Variants in ITGA8 observed in about 807,000 individuals in gnomAD.
ITGA8 encodes integrin alpha-8.
Under a neutral mutation model 142.3 loss-of-function variants are expected in ITGA8, and 91 were observed. The ratio of observed to expected loss-of-function variants is 0.64; its 90% confidence interval spans 0.54 to 0.76. The LOEUF (loss-of-function observed/expected upper bound fraction) is 0.76. ITGA8 is among the 30% of genes least tolerant of loss of function. The probability of loss-of-function intolerance (pLI) is 0.00; values close to 1 mark genes in which losing one functional copy is unlikely to be tolerated. For missense variants in ITGA8, 1,406 were observed against 1,327.7 expected (o/e 1.06, Z -0.92); for synonymous variants, 505 against 485.2 (o/e 1.04, Z -0.54).
intron 2 of ITGA8, among the ~76,000 whole-genome samples, chr10:15,697,978 G>A (rs1835088384): frequency 6.6e-6 from 1 of 152,152 alleles, no homozygotes; most frequent in Non-Finnish European, 1.5e-5. Flanking sequence ...GTTCTTCAGT[G>A]GCGATTTCTG....
intron 5 of ITGA8, 132 bp downstream of exon 5, chr10:15,678,590 C>T (rs1483468162): frequency 1.8e-6 from 1 of 554,366 alleles, no homozygotes; most frequent in East Asian, 2.9e-5. Context: ...TTTGCCCAAA[C>T]AGGCTAGGTA....
intron 25 of ITGA8, among the ~76,000 whole-genome samples, chr10:15,568,463 G>A (rs1233378838): frequency 1.3e-5 from 2 of 152,228 alleles, no homozygotes; most frequent in African/African-American, 4.8e-5. Context: ...AGGGTAGCTT[G>A]CTGAGATAAC....
chr10:15,650,172 A>G (rs1834060185), intron 11 of ITGA8, among the ~76,000 whole-genome samples: 1 of 152,166 alleles, frequency 6.6e-6, no homozygotes, highest in African/African-American at 2.4e-5. Context: ...TAAAGAAGCC[A>G]ATCTGAAAAG....
chr10:15,682,626 G>A (rs1005426457), intron 4 of ITGA8, among the ~76,000 whole-genome samples: 5 of 152,098 alleles, frequency 3.3e-5, no homozygotes, highest in African/African-American at 1.2e-4. Context: ...AGGCTGAGGC[G>A]GATGGATCGC....
chr10:15,607,560 A>G (rs967350166), intron 17 of ITGA8, 117 bp downstream of exon 17: 2 of 978,026 alleles, frequency 2.0e-6, no homozygotes, highest in Non-Finnish European at 3.1e-6. Flanking sequence ...CCTGCTATGA[A>G]AATGAAAACA....
intron 24 of ITGA8, 67 bp downstream of exon 24, chr10:15,575,422 A>C: frequency 9.3e-7 from 1 of 1,069,878 alleles, no homozygotes; most frequent in South Asian, 1.3e-5. Flanking sequence ...ATAATGCTAC[A>C]TAGAATTTAT....
chr10:15,583,833 A>G (rs1834461285), intron 23 of ITGA8, among the ~76,000 whole-genome samples: 1 of 152,228 alleles, frequency 6.6e-6, no homozygotes, highest in South Asian at 2.1e-4. Context: ...ATTTTACTTT[A>G]TGTAATTTAC....
intron 13 of ITGA8, among the ~76,000 whole-genome samples, chr10:15,623,003 G>A (rs186136292): frequency 5.3e-5 from 8 of 152,240 alleles, no homozygotes; most frequent in African/African-American, 1.9e-4. Context: ...GTTTGAGGGA[G>A]TATAAATTAG....
At chr10:15,605,697 A>C in intron 19 of ITGA8, 27 bp downstream of exon 19, 1 of 1,572,316 alleles carries the variant, frequency 6.4e-7, no homozygotes, top group Non-Finnish European at 8.8e-7. Flanking sequence ...TTAGATAGAA[A>C]GTACACATTT....
At chr10:15,594,238 A>G (rs2131598590) in intron 21 of ITGA8, among the ~76,000 whole-genome samples, 1 of 152,156 alleles carries the variant, frequency 6.6e-6, no homozygotes, top group Non-Finnish European at 1.5e-5. Context: ...TTCTACTTGA[A>G]GAACTGCTAA....
At chr10:15,564,302 G>A (rs1402426512) in intron 25 of ITGA8, among the ~76,000 whole-genome samples, 1 of 152,178 alleles carries the variant, frequency 6.6e-6, no homozygotes, top group Non-Finnish European at 1.5e-5. Context: ...CTAAACAACA[G>A]TTAAAGCCCA....
intron 2 of ITGA8, among the ~76,000 whole-genome samples, chr10:15,713,928 AG>A (rs1835405584): frequency 6.6e-6 from 1 of 151,602 alleles, no homozygotes; most frequent in African/African-American, 2.4e-5. Context: ...AGTTGAGGCC[AG>A]GCAAATTCTA....
At chr10:15,587,108 A>G (rs1383876224) in intron 22 of ITGA8, among the ~76,000 whole-genome samples, 2 of 151,950 alleles carry the variant, frequency 1.3e-5, no homozygotes, top group Non-Finnish European at 2.9e-5. Flanking sequence ...TTTTTAGTAA[A>G]GACGGGGTTT....
intron 13 of ITGA8, among the ~76,000 whole-genome samples, chr10:15,620,493 GA>G: frequency 1.3e-5 from 2 of 152,162 alleles, no homozygotes; most frequent in South Asian, 4.2e-4. Flanking sequence ...TTCTACTCTG[GA>G]AAAATAAAAT....
chr10:15,604,470 A>G, intron 19 of ITGA8, 115 bp from the exon 20 acceptor site: 1 of 720,784 alleles, frequency 1.4e-6, no homozygotes, highest in Non-Finnish European at 2.2e-6. Flanking sequence ...AAAAAAGAAG[A>G]TGGACCATCA....
chr10:15,717,116 C>T (rs1444645080), intron 2 of ITGA8, among the ~76,000 whole-genome samples: 1 of 152,108 alleles, frequency 6.6e-6, no homozygotes, highest in African/African-American at 2.4e-5. Context: ...TGTAACTTAT[C>T]AGGGCAGACA....
intron 27 of ITGA8, among the ~76,000 whole-genome samples, chr10:15,538,777 ATAATT>A (rs1240144936): frequency 6.6e-6 from 1 of 152,076 alleles, no homozygotes; most frequent in African/African-American, 2.4e-5. Context: ...TGCCAACAAA[ATAATT>A]AAATGATAAA....
chr10:15,530,863 T>G (rs559888079), intron 28 of ITGA8, among the ~76,000 whole-genome samples, 187 bp downstream of exon 28: 7 of 152,316 alleles, frequency 4.6e-5, no homozygotes, highest in Non-Finnish European at 8.8e-5. Flanking sequence ...ACATTTATAT[T>G]GAAAGTTCAA....
chr10:15,655,272 G>A, intron 11 of ITGA8, 82 bp downstream of exon 11: 4 of 913,398 alleles, frequency 4.4e-6, no homozygotes, highest in Non-Finnish European at 5.1e-6. Context: ...CAATAAGGAA[G>A]GGTGTATTTT....
Sources: allele counts gnomAD v4.1 joint callset (sites outside exome capture counted in the v4.1 genomes callset), GRCh38; gene constraint gnomAD v4.1.1; transcripts MANE v1.5; gene names NCBI Gene and HGNC (gene_info 2026-07-23, HGNC 2026-07-21).